Variants in RSU1 observed in about 807,000 individuals in gnomAD.
RSU1 encodes the protein Ras suppressor protein 1, also known as rsu-1.
In RSU1, 26 loss-of-function variants were observed where a neutral mutation model predicts 31.1. The ratio of observed to expected loss-of-function variants is 0.84; its 90% confidence interval spans 0.61 to 1.16. The LOEUF is 1.16. Ranked by LOEUF, RSU1 falls within the 50% of genes most tolerant of loss-of-function variation. The pLI is 0.00. For missense variants in RSU1, 320 were observed against 339.1 expected (o/e 0.94, Z 0.44); for synonymous variants, 164 against 136.3 (o/e 1.20, Z -1.41).
At chr10:16,677,926 C>G (rs200727030) in intron 8 of RSU1, among the ~76,000 whole-genome samples, 1 of 148,738 alleles carries the variant, frequency 6.7e-6, no homozygotes, top group African/African-American at 2.5e-5. Context: ...TGCTCATAAT[C>G]CCACATAAAC....
intron 7 of RSU1, among the ~76,000 whole-genome samples, chr10:16,721,007 A>G (rs1326040589): frequency 2.0e-5 from 3 of 152,108 alleles, no homozygotes; most frequent in Non-Finnish European, 4.4e-5. Context: ...ATAAATAAAC[A>G]AACAAATAAA....
Position 16,593,489 on chromosome 10 carries a change from C to A in RSU1, c.739G>T (p.Gly247Cys), listed in dbSNP as rs776190970. The change falls in exon 9 of 9, where the codon GGC becomes TGC. Residue 247 changes from glycine to cysteine, a missense_variant. Gly to Cys is a radical substitution (Grantham distance 159). Transcript: ENST00000345264. ...TCTGGGTTGGCCTGCATGTGTCTGCCGTAGAGGCTGCAAAGACAGAGAAAG... is the reference window on the plus strand; with the variant it reads ...TCTGGGTTGGCCTGCATGTGTCTGCAGTAGAGGCTGCAAAGACAGAGAAAG... ...IRSETYKYLY[G>C]RHMQANPEPP... is the part of the protein sequence containing the mutation. 1.2e-6 allele frequency: 2 copies of A among 1,613,190 alleles called. No homozygotes were observed.
rs866203369 is a variant in RSU1, at chr10:16,646,069, C to T, written c.731+48954G>A. Among the ~76,000 whole-genome samples, 98 of 122,622 alleles carry T rather than the reference C, an allele frequency of 8.0e-4. 3 individuals carry two copies. Among genetic ancestry groups the T allele is most frequent in the African/African-American group, 2.7e-3 (71 of 26,576 alleles). The allele number at this position is 122,622 out of a possible 152,430, so 80.4% of individuals were successfully genotyped here. ...ATATGTGTATATATATATACACACA[C>T]ACACACACACACACACACACATACA... On this transcript the variant is annotated intron_variant, in intron 8 of 8. Coordinates refer to ENST00000345264, the MANE Select transcript of RSU1 (RefSeq NM_012425.4).
At chr10:16,632,521 T>C (rs990093327) in intron 8 of RSU1, among the ~76,000 whole-genome samples, 1 of 152,214 alleles carries the variant, frequency 6.6e-6, no homozygotes, top group African/African-American at 2.4e-5. Context: ...AAAGTTATGG[T>C]TGAAAGCTGG....
At chr10:16,690,953 ATAAG>A in intron 8 of RSU1, among the ~76,000 whole-genome samples, 1 of 152,294 alleles carries the variant, frequency 6.6e-6, no homozygotes, top group Admixed American at 6.5e-5. Context: ...TGATAAATAT[ATAAG>A]TAAGGATTCT....
At chr10:16,712,963 G>A (rs1177473857) in intron 7 of RSU1, among the ~76,000 whole-genome samples, 1 of 152,078 alleles carries the variant, frequency 6.6e-6, no homozygotes, top group Non-Finnish European at 1.5e-5. Context: ...TAACTTTGTT[G>A]GATATAATAT....
At chr10:16,682,671 C>G (rs1835353060) in intron 8 of RSU1, among the ~76,000 whole-genome samples, 1 of 151,866 alleles carries the variant, frequency 6.6e-6, no homozygotes, top group Non-Finnish European at 1.5e-5. Flanking sequence ...ACTTTACTTT[C>G]TTAATAAACT....
At chr10:16,762,514 GAAA>G (rs140981728) in intron 4 of RSU1, among the ~76,000 whole-genome samples, 1 of 139,570 alleles carries the variant, frequency 7.2e-6, no homozygotes, top group East Asian at 2.1e-4. Context: ...TTTGTAGGGA[GAAA>G]AAAAAAAAAA....
chr10:16,718,404 A>G (rs1036885246), intron 7 of RSU1, among the ~76,000 whole-genome samples: 1 of 152,248 alleles, frequency 6.6e-6, no homozygotes, highest in Non-Finnish European at 1.5e-5. Flanking sequence ...CATGTTATAC[A>G]TTATTTGTAT....
chr10:16,667,229 T>A (rs1835011680), intron 8 of RSU1, among the ~76,000 whole-genome samples: 1 of 152,346 alleles, frequency 6.6e-6, no homozygotes, highest in Middle Eastern at 3.4e-3. Flanking sequence ...GATTCACTTT[T>A]CTAATAATGT....
At position 16,593,121 on chromosome 10, in the gene RSU1, A is replaced by T. The variant is rs774258137; in HGVS notation, c.*273T>A. 2 of 354,236 alleles carry T rather than the reference A, an allele frequency of 5.6e-6. No individual in the cohort carries two copies. The highest frequency in any genetic ancestry group is 4.1e-5 in the African/African-American group (2 of 48,358). 21.9% of individuals were successfully genotyped at this position (354,236 alleles called of 1,614,324 possible). Reference sequence around the variant, plus strand: ...GTGATATCTATTCAAGAAAAGCCAGAGCCCACTATGGAATTCGCAGTTGAA... The same window carrying T: ...GTGATATCTATTCAAGAAAAGCCAGTGCCCACTATGGAATTCGCAGTTGAA... On this transcript the variant is annotated 3_prime_UTR_variant, in exon 9 of 9. Coordinates refer to ENST00000345264, the MANE Select transcript of RSU1 (RefSeq NM_012425.4).
At position 16,788,166 on chromosome 10, in the gene RSU1, T is replaced by C. The variant is rs187466439; in HGVS notation, c.110-6082A>G. ...TTCATAGATGTATCAGTTAAGACTA[T>C]GCTCAGCTTCATGTAAGAGCAAACC... is the stretch of plus-strand genomic sequence containing the variant. On this transcript the variant is annotated intron_variant, in intron 2 of 8. Coordinates refer to ENST00000345264, the MANE Select transcript of RSU1 (RefSeq NM_012425.4). Among the ~76,000 whole-genome samples, 33 of 152,338 alleles carry C rather than the reference T, an allele frequency of 2.2e-4. 1 individual carries two copies. The East Asian group carries it at 4.4e-3, about 20-fold the overall frequency.
Position 16,729,877 on chromosome 10 carries a change from C to T in RSU1, c.598+22662G>A, listed in dbSNP as rs529234795. Among the ~76,000 whole-genome samples the T allele has an allele frequency of 2.6e-5, 4 of 152,276 alleles. No homozygotes were observed. In the East Asian group the frequency reaches 5.8e-4, roughly 22 times the overall value. Reference sequence around the variant, plus strand: ...AGGGCATTAGCAAATGTGAATGTAACAGACTTGGAAAGTGCTTGTGTACCT... The same window carrying T: ...AGGGCATTAGCAAATGTGAATGTAATAGACTTGGAAAGTGCTTGTGTACCT... On this transcript the variant is annotated intron_variant, in intron 7 of 8. Transcript: ENST00000345264.
chr10:16,782,096 A>AG lies in RSU1; in HGVS notation c.110-13dup, dbSNP rs1491129905. The AG allele has an allele frequency of 1.2e-6, 2 of 1,606,584 alleles. No individual in the cohort carries two copies. The highest frequency in any genetic ancestry group is 2.7e-5 in the African/African-American group (2 of 74,506). On this transcript the variant is annotated splice_polypyrimidine_tract_variant and intron_variant, in intron 2 of 8. Transcript: ENST00000345264. ...ATGGGATAAGGTAACTAAAAAGAAA[A>AG]GAAAAAAAAAAAGGTCAGTCAGTAA...
intron 8 of RSU1, among the ~76,000 whole-genome samples, chr10:16,667,380 T>A (rs1316122192): frequency 6.6e-6 from 1 of 152,228 alleles, no homozygotes; most frequent in Non-Finnish European, 1.5e-5. Context: ...GCGAGTGACA[T>A]GAACTAGTGA....
At chr10:16,743,821 C>T (rs933341315) in intron 7 of RSU1, among the ~76,000 whole-genome samples, 4 of 152,142 alleles carry the variant, frequency 2.6e-5, no homozygotes, top group African/African-American at 4.8e-5. Context: ...CGCACTACAT[C>T]TTTTCTTAAG....
intron 4 of RSU1, among the ~76,000 whole-genome samples, chr10:16,759,777 A>C (rs984956210): frequency 6.6e-6 from 1 of 152,200 alleles, no homozygotes; most frequent in African/African-American, 2.4e-5. Flanking sequence ...GAACAGAACT[A>C]AACTTTCTTT....
At chr10:16,710,699 G>A (rs772480083) in intron 7 of RSU1, among the ~76,000 whole-genome samples, 1 of 151,394 alleles carries the variant, frequency 6.6e-6, no homozygotes, top group South Asian at 2.1e-4. Context: ...TTAAGTTCTG[G>A]GATATATGTG....
intron 8 of RSU1, among the ~76,000 whole-genome samples, chr10:16,627,305 G>A (rs1258130747): frequency 6.6e-6 from 1 of 152,188 alleles, no homozygotes; most frequent in Non-Finnish European, 1.5e-5. Context: ...TTATGTTATA[G>A]TTGGGGAATT....
Sources: gnomAD v4.1 joint callset for allele counts (sites outside exome capture counted in the v4.1 genomes callset) on GRCh38, gnomAD v4.1.1 for gene constraint, MANE v1.5 for transcripts, NCBI Gene and HGNC (gene_info 2026-07-23, HGNC 2026-07-21) for gene names.